Variants in HOMER2 observed in about 807,000 individuals in gnomAD.
HOMER2 encodes homer scaffold protein 2.
Under a neutral mutation model 47.0 loss-of-function variants are expected in HOMER2, and 27 were observed. The observed-to-expected ratio is 0.57, with a 90% CI of 0.42 to 0.79. The LOEUF is 0.79. Among genes scored for constraint, HOMER2 ranks in the 30% least tolerant of loss-of-function variants. The pLI is 0.00. For synonymous variants in HOMER2, 161 were observed against 163.8 expected (o/e 0.98, Z 0.13); for missense variants, 443 against 435.0 (o/e 1.02, Z -0.16).
chr15:82,908,703 TTTGTC>T (rs1426412196), intron 1 of HOMER2, among the ~76,000 whole-genome samples: 1 of 152,096 alleles, frequency 6.6e-6, no homozygotes, highest in African/African-American at 2.4e-5. Flanking sequence ...TTAAATTTAT[TTTGTC>T]TTAAGTTTTT....
chr15:82,868,541 A>ATATATATATATATATATATAT, intron 3 of HOMER2, among the ~76,000 whole-genome samples: 2 of 71,290 alleles, frequency 2.8e-5, no homozygotes, highest in African/African-American at 1.0e-4. Flanking sequence ...ATATATATAT[A>ATATATATATATATATATATAT]TTTTTTTTTT....
In HOMER2 at chr15:82,865,216, T is replaced by C. The variant is rs530690560; in HGVS notation, c.295-957A>G. Among the ~76,000 whole-genome samples the C allele has an allele frequency of 5.4e-4, 82 of 152,338 alleles. 1 individual carries two copies. The highest frequency in any genetic ancestry group is 1.8e-3 in the African/African-American group (76 of 41,572). On this transcript the variant is annotated intron_variant, in intron 3 of 8. Transcript: ENST00000450735. ...GCTGGGGAGGCTTCATATTTAACTA[T>C]TGCAATGCTGGCAGAGGAAAATCAC...
chr15:82,855,303 C>T (rs533682260), intron 5 of HOMER2, among the ~76,000 whole-genome samples: 15 of 114,762 alleles, frequency 1.3e-4, no homozygotes, highest in Admixed American at 9.4e-4. Flanking sequence ...TCCGGCCTGG[C>T]GACAGAGCGA....
Position 82,858,266 on chromosome 15 carries a change from G to A in HOMER2, c.494+763C>T, listed in dbSNP as rs74396720. Among the ~76,000 whole-genome samples the A allele has an allele frequency of 8.1e-3, 1,235 of 151,772 alleles. 15 individuals carry two copies. The highest frequency in any genetic ancestry group is 0.027 in the African/African-American group (1,100 of 41,402). Reference sequence around the variant, plus strand: ...TTTAATAGTTTATGTTTTCACATGCGTTTCTCAGATGTTCAAAATTCTTTT... The same window carrying A: ...TTTAATAGTTTATGTTTTCACATGCATTTCTCAGATGTTCAAAATTCTTTT... On this transcript the variant is annotated intron_variant, in intron 5 of 8. Transcript: ENST00000450735.
intron 5 of HOMER2, among the ~76,000 whole-genome samples, chr15:82,856,911 G>T (rs2051605775): frequency 6.6e-6 from 1 of 152,206 alleles, no homozygotes; most frequent in South Asian, 2.1e-4. Flanking sequence ...GTGGAACACG[G>T]GCCATGTGAG....
chr15:82,976,590 C>G (rs1180927310), intron 1 of HOMER2, among the ~76,000 whole-genome samples: 1 of 150,162 alleles, frequency 6.7e-6, no homozygotes, highest in Non-Finnish European at 1.5e-5. Flanking sequence ...TGAGGCCACA[C>G]TATTTTATAT....
chr15:82,975,900 T>C (rs574542386), intron 1 of HOMER2, among the ~76,000 whole-genome samples: 6 of 152,340 alleles, frequency 3.9e-5, no homozygotes, highest in Admixed American at 2.0e-4. Context: ...CTTGAGGGGA[T>C]AGATACCCCA....
intron 1 of HOMER2, among the ~76,000 whole-genome samples, chr15:82,949,093 G>A (rs930895956): frequency 2.6e-4 from 37 of 142,552 alleles, no homozygotes; most frequent in African/African-American, 8.5e-4. Context: ...ATGACTCTTG[G>A]CAAATGAGTG....
intron 1 of HOMER2, among the ~76,000 whole-genome samples, chr15:82,965,778 T>A (rs1026484164): frequency 6.6e-6 from 1 of 151,988 alleles, no homozygotes; most frequent in Non-Finnish European, 1.5e-5. Flanking sequence ...CTTTTTTTTT[T>A]TTTTATTTTC....
intron 1 of HOMER2, among the ~76,000 whole-genome samples, chr15:82,917,281 AC>A (rs1481184737): frequency 1.3e-5 from 2 of 152,242 alleles, no homozygotes; most frequent in Non-Finnish European, 2.9e-5. Flanking sequence ...CTAAGAAGTC[AC>A]ATATAACCGC....
intron 1 of HOMER2, among the ~76,000 whole-genome samples, chr15:82,907,001 G>GA (rs906581720): frequency 1.6e-4 from 25 of 152,218 alleles, no homozygotes; most frequent in Non-Finnish European, 3.1e-4. Context: ...AGAACTACAA[G>GA]AAAAAAATTA....
chr15:82,912,373 G>A (rs557955202), intron 1 of HOMER2, among the ~76,000 whole-genome samples: 2 of 152,226 alleles, frequency 1.3e-5, no homozygotes, highest in East Asian at 3.9e-4. Flanking sequence ...TCTTTTCAGT[G>A]AGCGTAATAT....
At chr15:82,872,177 T>C (rs2052198014) in intron 3 of HOMER2, among the ~76,000 whole-genome samples, 1 of 152,124 alleles carries the variant, frequency 6.6e-6, no homozygotes, top group Non-Finnish European at 1.5e-5. Context: ...GGGAAAGACA[T>C]ACACCCCCAT....
At chr15:82,931,441 C>T (rs376861300) in intron 1 of HOMER2, among the ~76,000 whole-genome samples, 1 of 151,912 alleles carries the variant, frequency 6.6e-6, no homozygotes, top group South Asian at 2.1e-4. Flanking sequence ...TTTTAGCTCC[C>T]TCCCTTGAAG....
At chr15:82,932,393 G>A (rs998733034) in intron 1 of HOMER2, among the ~76,000 whole-genome samples, 22 of 151,942 alleles carry the variant, frequency 1.4e-4, no homozygotes, top group Non-Finnish European at 2.6e-4. Flanking sequence ...TACTTGGGAG[G>A]CTCAGGCAGG....
chr15:82,892,690 C>T lies in HOMER2; in HGVS notation c.157G>A (p.Ala53Thr). 6.4e-7 allele frequency: 1 copy of T among 1,554,356 alleles called. No individual in the cohort carries two copies. The highest frequency in any genetic ancestry group is 8.8e-7 in the Non-Finnish European group (1 of 1,138,918). The change falls in exon 2 of 9, where the codon GCC (alanine) becomes ACC (threonine). Residue 53 changes from alanine to threonine, a missense_variant. Physicochemically the swap from Ala to Thr is moderately conservative, Grantham distance 58 (BLOSUM62 0). Coordinates refer to ENST00000450735, the MANE Select transcript of HOMER2 (RefSeq NM_004839.4). ...ATCAGCTGAGGGGGTGGTACCTTGGCTCCGTCCACACTGATGATCCGATAG... is the reference window on the plus strand; with the variant it reads ...ATCAGCTGAGGGGGTGGTACCTTGGTTCCGTCCACACTGATGATCCGATAG... ...NSYRIISVDG[A>T]KVIINSTITP...
exon 2 of HOMER2, chr15:82,842,293 T>C (rs1241598818): frequency 6.6e-5 from 10 of 151,874 alleles, no homozygotes; most frequent in Non-Finnish European, 1.5e-4. Context: ...CTCAAACTTC[T>C]TTTGGAAGGT....
intron 3 of HOMER2, among the ~76,000 whole-genome samples, chr15:82,868,541 A>ATATATATATTTTTT: frequency 2.8e-5 from 2 of 71,282 alleles, no homozygotes; most frequent in Non-Finnish European, 5.6e-5. Flanking sequence ...ATATATATAT[A>ATATATATATTTTTT]TTTTTTTTTT....
At chr15:82,914,227 A>ACACACACACAC (rs2053523870) in intron 1 of HOMER2, among the ~76,000 whole-genome samples, 2 of 141,120 alleles carry the variant, frequency 1.4e-5, no homozygotes, top group African/African-American at 5.4e-5. Context: ...ACACACACAC[A>ACACACACACAC]ATTAGCCAGG....
Sources: allele counts gnomAD v4.1 joint callset (sites outside exome capture counted in the v4.1 genomes callset), GRCh38; gene constraint gnomAD v4.1.1; transcripts MANE v1.5; gene names NCBI Gene and HGNC (gene_info 2026-07-23, HGNC 2026-07-21).